PLA2G4B: variants seen among roughly 807,000 people sequenced by gnomAD.
PLA2G4B encodes the protein cytosolic phospholipase A2 beta.
A neutral mutation model predicts 95.8 loss-of-function variants in PLA2G4B; 122 were observed. The ratio of observed to expected loss-of-function variants is 1.27; its 90% confidence interval spans 1.10 to 1.48. PLA2G4B has a LOEUF of 1.48. Ranked by LOEUF, PLA2G4B falls within the 40% of genes most tolerant of loss-of-function variation. The pLI, the probability that PLA2G4B is intolerant of heterozygous loss-of-function variation, is 0.00. For missense variants in PLA2G4B, 1,158 were observed against 996.2 expected (o/e 1.16, Z -2.19); for synonymous variants, 518 against 421.5 (o/e 1.23, Z -2.80).
Position 41,847,838 on chromosome 15 carries a change from G to A in PLA2G4B, c.2324G>A (p.Arg775Lys). 6.2e-7 allele frequency: 1 copy of A among 1,612,908 alleles called. No individual in the cohort carries two copies. The highest frequency in any genetic ancestry group is 8.5e-7 in the Non-Finnish European group (1 of 1,179,952). The change falls in exon 20 of 20, where the codon AGG becomes AAG. Residue 775 changes from arginine (R) to lysine (K), a missense_variant. Arg to Lys is a conservative substitution (Grantham distance 26). Transcript: ENST00000458483. ...GCTCTGCGCCAGGCAGTGCAGCGGA[G>A]GCGGCAGCGCAGGCCCCACTGATGG... ...LEALRQAVQRRRQRRPH is the reference protein window; with the variant it reads ...LEALRQAVQRKRQRRPH
Position 41,841,039 on chromosome 15 carries a change from C to A in PLA2G4B, c.352-16C>A. On this transcript the variant is annotated splice_polypyrimidine_tract_variant and intron_variant, in intron 4 of 19. Coordinates refer to ENST00000458483, the MANE Select transcript of PLA2G4B (RefSeq NM_001114633.2). ...CCTTCTGACCCTTTCTAACTTACTTCTGGCTCTCTTCCCAGGGTGAGGGGC... is the reference window on the plus strand; with the variant it reads ...CCTTCTGACCCTTTCTAACTTACTTATGGCTCTCTTCCCAGGGTGAGGGGC... 6.4e-7 allele frequency: 1 copy of A among 1,572,014 alleles called. No individual in the cohort carries two copies. Among genetic ancestry groups the A allele is most frequent in the Non-Finnish European group, 8.6e-7 (1 of 1,156,356 alleles).
chr15:41,841,799 G>T lies in PLA2G4B; in HGVS notation c.491-20G>T. 1 of 1,612,368 alleles carries T rather than the reference G, an allele frequency of 6.2e-7. No homozygotes were observed. The highest frequency in any genetic ancestry group is 8.5e-7 in the Non-Finnish European group (1 of 1,179,318). On this transcript the variant is annotated intron_variant, in intron 7 of 19. Transcript: ENST00000458483. ...CAGAGATACCGTCCCCAGCCTCTCT[G>T]CTCTGGTTCCTGTTTCCAGCCTCAG...
rs781697306 is a variant in PLA2G4B at position 41,847,875 on chromosome 15, G to T, written c.*15G>T. 2 of 1,602,828 alleles carry T rather than the reference G, an allele frequency of 1.2e-6. No homozygotes were observed. The highest frequency in any genetic ancestry group is 1.7e-6 in the Non-Finnish European group (2 of 1,178,290). On this transcript the variant is annotated 3_prime_UTR_variant, in exon 20 of 20. Transcript: ENST00000458483. The stretch of plus-strand genomic sequence containing the variant: ...GGCCCCACTGATGGCCGGGGCCCCT[G>T]CCACCCCTAACTCTCATTCATTCCC...
rs1178472898 is a variant in PLA2G4B, at chr15:41,846,310, A to G, written c.1708A>G (p.Thr570Ala). The G allele has an allele frequency of 1.9e-6, 3 of 1,613,352 alleles. No homozygotes were observed. Among genetic ancestry groups the G allele is most frequent in the Non-Finnish European group, 2.5e-6 (3 of 1,179,396 alleles). ...GACGTGGCGTCCACTGGCCCAGGCC[A>G]CACATAATTTCCTGCGTGGCCTCCA... ...LLTWRPLAQA[T>A]HNFLRGLHFH... is the part of the protein sequence containing the mutation. The change falls in exon 17 of 20, where the codon ACA becomes GCA. Residue 570 changes from threonine to alanine, a missense_variant. Physicochemically the swap from Thr to Ala is moderately conservative, Grantham distance 58 (BLOSUM62 0). Transcript: ENST00000458483.
In PLA2G4B at chr15:41,848,057, A is replaced by T; in HGVS notation, c.*197A>T. On this transcript the variant is annotated 3_prime_UTR_variant, in exon 20 of 20. Transcript: ENST00000458483. ...GGAGGCCAAGCCCATTTGTGTAATC[A>T]CCCAAAACCCCCCGGCCTGTGCCTG... 1.4e-6 allele frequency: 1 copy of T among 691,810 alleles called. No homozygotes were observed. Among genetic ancestry groups the T allele is most frequent in the Non-Finnish European group, 2.4e-6 (1 of 421,306 alleles). 42.9% of individuals were successfully genotyped at this position (691,810 alleles called of 1,614,324 possible).
Position 41,838,893 on chromosome 15 carries a change from T to G in PLA2G4B, c.-21T>G. ...CCTGTGGCCACTGCCCCATCATTCC[T>G]GCTCCTGAGGACTCAGTCTCATGGC... is the stretch of plus-strand genomic sequence containing the variant. On this transcript the variant is annotated 5_prime_UTR_variant, in exon 1 of 20. Coordinates refer to ENST00000458483, the MANE Select transcript of PLA2G4B (RefSeq NM_001114633.2). 6.3e-7 allele frequency: 1 copy of G among 1,593,768 alleles called. No homozygotes were observed. The highest frequency in any genetic ancestry group is 1.1e-5 in the South Asian group (1 of 87,576).
intron 10 of PLA2G4B, chr15:41,842,933 A>C (rs2065461846): frequency 6.5e-6 from 2 of 309,520 alleles, no homozygotes; most frequent in Non-Finnish European, 1.2e-5. Flanking sequence ...AAGAGGGGAA[A>C]TTGCGCCCTT....
intron 1 of PLA2G4B, 164 bp from the exon 2 acceptor site, chr15:41,839,994 G>A: frequency 1.3e-6 from 1 of 773,544 alleles, no homozygotes; most frequent in South Asian, 2.0e-5. Context: ...GCGTCATGAT[G>A]GAGATATCAT....
At position 41,846,311 on chromosome 15, in the gene PLA2G4B, C is replaced by T. The variant is rs1302283165; in HGVS notation, c.1709C>T (p.Thr570Ile). The change falls in exon 17 of 20, where the codon ACA becomes ATA. Residue 570 changes from threonine (T) to isoleucine (I), a missense_variant. Thr to Ile is a moderately conservative substitution (Grantham distance 89). Coordinates refer to ENST00000458483, the MANE Select transcript of PLA2G4B (RefSeq NM_001114633.2). ...ACGTGGCGTCCACTGGCCCAGGCCA[C>T]ACATAATTTCCTGCGTGGCCTCCAT... is the stretch of plus-strand genomic sequence containing the variant. Reference protein sequence around the residue: ...LLTWRPLAQATHNFLRGLHFH... With the variant: ...LLTWRPLAQAIHNFLRGLHFH... The T allele has an allele frequency of 7.4e-6, 12 of 1,613,326 alleles. No individual in the cohort carries two copies. Among genetic ancestry groups the T allele is most frequent in the Admixed American group, 1.7e-5 (1 of 60,006 alleles).
rs201488493 is a variant in PLA2G4B at position 41,844,608 on chromosome 15, G to A, written c.1016+1G>A. On this transcript the variant is annotated splice_donor_variant, in intron 12 of 19. Transcript: ENST00000458483. LOFTEE classifies it high-confidence loss of function. ...TCACCGGGGCCTCGGGCTCCACCTG[G>A]TGAGCTGGGGGCAGGCTGATGCTGG... 4.3e-6 allele frequency: 7 copies of A among 1,614,132 alleles called. No individual in the cohort carries two copies. The highest frequency in any genetic ancestry group is 5.9e-6 in the Non-Finnish European group (7 of 1,180,040).
In PLA2G4B at chr15:41,846,188, A is replaced by C. The variant is rs1333453360; in HGVS notation, c.1601-15A>C. ...AGGTGCAGGAGTCCCCATTTCCCCC[A>C]CCTTGCCTGTGTAGACAAGGAGCAG... On this transcript the variant is annotated splice_polypyrimidine_tract_variant and intron_variant, in intron 16 of 19. Coordinates refer to ENST00000458483, the MANE Select transcript of PLA2G4B (RefSeq NM_001114633.2). 2 of 1,608,696 alleles carry C rather than the reference A, an allele frequency of 1.2e-6. No individual in the cohort carries two copies. Among genetic ancestry groups the C allele is most frequent in the African/African-American group, 2.7e-5 (2 of 74,824 alleles).
intron 3 of PLA2G4B, 39 bp from the exon 4 acceptor site, chr15:41,840,735 C>T (rs2065413566): frequency 6.2e-7 from 1 of 1,607,680 alleles, no homozygotes; most frequent in African/African-American, 1.3e-5. Context: ...CCTTTCTGTC[C>T]CCTCCCTCCT....
At position 41,845,018 on chromosome 15, in the gene PLA2G4B, G is replaced by C. The variant is rs140183820; in HGVS notation, c.1187G>C (p.Ser396Thr). 798 of 1,604,978 alleles carry C rather than the reference G, an allele frequency of 5.0e-4. 1 individual carries two copies. The highest frequency in any genetic ancestry group is 6.2e-4 in the Non-Finnish European group (732 of 1,176,074). ...LAERARLGYP[S>T]CFTNLWALIN... Reference sequence around the variant, plus strand: ...GAGCGTGCCCGCTTGGGCTACCCAAGCTGCTTCACCAACCTGTGGGCCCTC... The same window carrying C: ...GAGCGTGCCCGCTTGGGCTACCCAACCTGCTTCACCAACCTGTGGGCCCTC... Residue 396 changes from serine (S) to threonine (T), a missense_variant, in exon 13 of 20, where the codon AGC (serine) becomes ACC (threonine). Physicochemically the swap from Ser to Thr is moderately conservative, Grantham distance 58 (BLOSUM62 1). Coordinates refer to ENST00000458483, the MANE Select transcript of PLA2G4B (RefSeq NM_001114633.2).
Position 41,845,992 on chromosome 15 carries a change from G to C in PLA2G4B, c.1545G>C (p.Trp515Cys). The change falls in exon 16 of 20, where the codon TGG (tryptophan) becomes TGC (cysteine). Residue 515 changes from tryptophan to cysteine, a missense_variant. Trp to Cys is a radical substitution (Grantham distance 215). Coordinates refer to ENST00000458483, the MANE Select transcript of PLA2G4B (RefSeq NM_001114633.2). The stretch of plus-strand genomic sequence containing the variant: ...CCAACCTCCAGGACAGCTTATACTG[G>C]GCCTCAGAGCCCAGCCAGTTCTGGG... ...YAANLQDSLY[W>C]ASEPSQFWDR... 1 of 1,522,944 alleles carries C rather than the reference G, an allele frequency of 6.6e-7. No homozygotes were observed. Among genetic ancestry groups the C allele is most frequent in the Non-Finnish European group, 8.8e-7 (1 of 1,136,162 alleles). 94.3% of individuals were successfully genotyped at this position (1,522,944 alleles called of 1,614,324 possible).
intron 10 of PLA2G4B, 76 bp downstream of exon 10, chr15:41,842,667 G>A: frequency 6.4e-7 from 1 of 1,572,582 alleles, no homozygotes; most frequent in Non-Finnish European, 8.6e-7. Flanking sequence ...GCCTGGAGGA[G>A]TGAGGGGGAG....
Position 41,840,593 on chromosome 15 carries a change from C to G in PLA2G4B, c.152C>G (p.Thr51Arg). 1 of 1,613,992 alleles carries G rather than the reference C, an allele frequency of 6.2e-7. No individual in the cohort carries two copies. The highest frequency in any genetic ancestry group is 1.7e-5 in the Admixed American group (1 of 60,020). ...TGCAGCCACAGGCTCCAGACACGCA[C>G]GGTCAAGAACAGCAGTAGCCCTGTC... The part of the protein sequence containing the change: ...TACSHRLQTR[T>R]VKNSSSPVWN... Residue 51 changes from threonine (T) to arginine (R), a missense_variant, in exon 3 of 20, where the codon ACG becomes AGG. Thr to Arg is a moderately conservative substitution (Grantham distance 71). Coordinates refer to ENST00000458483, the MANE Select transcript of PLA2G4B (RefSeq NM_001114633.2).
chr15:41,839,159 C>A, intron 1 of PLA2G4B: 2 of 399,460 alleles, frequency 5.0e-6, no homozygotes, highest in East Asian at 4.4e-5. Context: ...CCTGGCACCA[C>A]AGATTTGGGC....
At position 41,847,472 on chromosome 15, in the gene PLA2G4B, G is replaced by T. The variant is rs201989032; in HGVS notation, c.2083G>T (p.Val695Leu). 373 of 1,612,264 alleles carry T rather than the reference G, an allele frequency of 2.3e-4. 1 individual carries two copies. The highest frequency in any genetic ancestry group is 3.1e-4 in the Non-Finnish European group (363 of 1,179,068). Residue 695 changes from valine (V) to leucine (L), a missense_variant, in exon 19 of 20, where the codon GTG becomes TTG. By Grantham distance (32) the Val-to-Leu change is conservative. Coordinates refer to ENST00000458483, the MANE Select transcript of PLA2G4B (RefSeq NM_001114633.2). ...CCCCACCTGCCCCGGAGCCCCTGCGGTGCTGCACTTTCCTCTGGTCAGCGA... is the reference window on the plus strand; with the variant it reads ...CCCCACCTGCCCCGGAGCCCCTGCGTTGCTGCACTTTCCTCTGGTCAGCGA... ...SDPTCPGAPA[V>L]LHFPLVSDSF...
Position 41,846,349 on chromosome 15 carries a change from T to A in PLA2G4B, c.1747T>A (p.Tyr583Asn), listed in dbSNP as rs1273728803. 1 of 1,609,038 alleles carries A rather than the reference T, an allele frequency of 6.2e-7. No homozygotes were observed. Among genetic ancestry groups the A allele is most frequent in the Non-Finnish European group, 8.5e-7 (1 of 1,175,528 alleles). ...GCGTGGCCTCCATTTCCACAAAGAC[T>A]ACTTTCAGCATCCTCACTTCTCCAC... is the stretch of plus-strand genomic sequence containing the variant. ...FLRGLHFHKD[Y>N]FQHPHFSTWK... Residue 583 changes from tyrosine to asparagine, a missense_variant, in exon 17 of 20, where the codon TAC (tyrosine) becomes AAC (asparagine). Tyr to Asn is a moderately radical substitution (Grantham distance 143). Coordinates refer to ENST00000458483, the MANE Select transcript of PLA2G4B (RefSeq NM_001114633.2).
Sources: allele counts gnomAD v4.1 joint callset, GRCh38; gene constraint gnomAD v4.1.1; transcripts MANE v1.5; gene names NCBI Gene and HGNC (gene_info 2026-07-23, HGNC 2026-07-21).